ATR: variants seen among roughly 807,000 people sequenced by gnomAD.
ATR encodes ATR checkpoint kinase.
A neutral mutation model predicts 305.3 loss-of-function variants in ATR; 142 were observed. The ratio of observed to expected loss-of-function variants is 0.47; its 90% CI spans 0.41 to 0.53. The LOEUF (loss-of-function observed/expected upper bound fraction) is 0.53, where lower values mean the gene tolerates loss of function less well. Ranked by LOEUF, ATR falls within the 20% of genes least tolerant of loss-of-function variation. The pLI, the probability that ATR is intolerant of heterozygous loss-of-function variation, is 0.00. For missense variants in ATR, 2,135 were observed against 3,133.1 expected (o/e 0.68, Z 7.60); for synonymous variants, 1,050 against 1,068.1 (o/e 0.98, Z 0.33).
chr3:142,551,392 T>C (rs1434342546), intron 13 of ATR, among the ~76,000 whole-genome samples: 1 of 152,216 alleles, frequency 6.6e-6, no homozygotes, highest in Non-Finnish European at 1.5e-5. Flanking sequence ...CACCATTCCA[T>C]GTCACTGTAT....
In ATR at chr3:142,496,433, A is replaced by G. The variant is rs541103802; in HGVS notation, c.5826T>C (p.Asn1942=). 7 of 1,610,570 alleles carry G rather than the reference A, an allele frequency of 4.3e-6. No individual in the cohort carries two copies. The highest frequency in any genetic ancestry group is 1.3e-5 in the African/African-American group (1 of 74,106). ...GTGATTCCCCTGCATTAAGGAGAGC[A>G]TTGTAGGCTGTCTGGTGGTGACCAG... is the stretch of plus-strand genomic sequence containing the variant. ...RKAGHHQTAY[N]ALLNAGESRL... Residue 1942 remains asparagine (N), a synonymous_variant, in exon 34 of 47, where the codon AAT becomes AAC. Transcript: ENST00000350721.
Position 142,459,034 on chromosome 3 carries a change from C to T in ATR, c.7427G>A (p.Arg2476His), listed in dbSNP as rs777776233. ...ATCAAAGAGAATATTTTCACCATGA[C>T]GGTCTCCAAGCCCCAGAATATAACC... ...MVGYILGLGD[R>H]HGENILFDSL... The change falls in exon 44 of 47, where the codon CGT becomes CAT. Residue 2476 changes from arginine (R) to histidine (H), a missense_variant. Coordinates refer to ENST00000350721, the MANE Select transcript of ATR (RefSeq NM_001184.4). 10 of 1,613,848 alleles carry T rather than the reference C, an allele frequency of 6.2e-6. No individual in the cohort carries two copies. Among genetic ancestry groups the T allele is most frequent in the South Asian group, 4.4e-5 (4 of 91,072 alleles).
chr3:142,457,620 G>A lies in ATR; in HGVS notation c.7639C>T (p.Arg2547Ter), dbSNP rs1254296505. Residue 2547 changes from arginine to a stop codon, truncating the protein, a stop_gained, in exon 45 of 47, where the codon CGA (arginine) becomes TGA (stop). Transcript: ENST00000350721. LOFTEE classifies it high-confidence loss of function. The part of the protein sequence containing the change: ...EVTMRLMRDQ[R>*]EPLMSVLKTF... ...GGTGATTACCTCATTAAAGGCTCTC[G>A]CTGATCACGCATCAGCCTCATTGTA... 6.2e-6 allele frequency: 10 copies of A among 1,613,920 alleles called. No individual in the cohort carries two copies. Among genetic ancestry groups the A allele is most frequent in the Non-Finnish European group, 8.5e-6 (10 of 1,179,932 alleles).
At chr3:142,544,452 CAAAAAAAAAA>C (rs57120276) in intron 16 of ATR, among the ~76,000 whole-genome samples, 21 of 18,974 alleles carry the variant, frequency 1.1e-3, no homozygotes, top group South Asian at 9.3e-3. Context: ...ATCCTGCCTC[CAAAAAAAAAA>C]AAAAAAAAAA....
chr3:142,546,948 T>C (rs1329835698), intron 16 of ATR, among the ~76,000 whole-genome samples: 2 of 152,168 alleles, frequency 1.3e-5, no homozygotes, highest in African/African-American at 2.4e-5. Flanking sequence ...TATTCCATTA[T>C]TGGAATGGTA....
At chr3:142,494,288 C>T (rs1415175138) in intron 34 of ATR, among the ~76,000 whole-genome samples, 1 of 151,856 alleles carries the variant, frequency 6.6e-6, no homozygotes, top group African/African-American at 2.4e-5. Flanking sequence ...GGGACCAATC[C>T]CTCCATGGAT....
At chr3:142,473,273 G>T (rs1303025975) in intron 36 of ATR, among the ~76,000 whole-genome samples, 3 of 152,094 alleles carry the variant, frequency 2.0e-5, no homozygotes, top group Admixed American at 2.0e-4. Flanking sequence ...GTTGATTTTT[G>T]TATATGGTGT....
At chr3:142,508,882 C>T (rs7622266) in intron 27 of ATR, among the ~76,000 whole-genome samples, 5,743 of 147,480 alleles carry the variant, frequency 0.039, 372 homozygotes, top group African/African-American at 0.14. Flanking sequence ...TGAGATCACG[C>T]CACTGCACTC....
At chr3:142,468,807 C>A (rs1280366446) in intron 38 of ATR, among the ~76,000 whole-genome samples, 1 of 152,092 alleles carries the variant, frequency 6.6e-6, no homozygotes, top group Non-Finnish European at 1.5e-5. Flanking sequence ...CTGAGCAACA[C>A]AGCAAGATCC....
Position 142,497,209 on chromosome 3 carries a change from C to G in ATR, c.5559-17G>C, listed in dbSNP as rs746324583. On this transcript the variant is annotated splice_polypyrimidine_tract_variant and intron_variant, in intron 32 of 46. Coordinates refer to ENST00000350721, the MANE Select transcript of ATR (RefSeq NM_001184.4). ...ATGTGCAATCTGAAGATAGATAGAGCCTATGTTAAAATGTTATCATATTCA... is the reference window on the plus strand; with the variant it reads ...ATGTGCAATCTGAAGATAGATAGAGGCTATGTTAAAATGTTATCATATTCA... 1 of 1,612,078 alleles carries G rather than the reference C, an allele frequency of 6.2e-7. No homozygotes were observed. Among genetic ancestry groups the G allele is most frequent in the Non-Finnish European group, 8.5e-7 (1 of 1,178,634 alleles).
At chr3:142,486,236 C>A (rs2030916984) in intron 35 of ATR, among the ~76,000 whole-genome samples, 1 of 152,022 alleles carries the variant, frequency 6.6e-6, no homozygotes, top group Admixed American at 6.6e-5. Flanking sequence ...AGACCAGAAA[C>A]CTTAAGTGAG....
intron 41 of ATR, among the ~76,000 whole-genome samples, chr3:142,463,402 T>C (rs571922969): frequency 7.9e-4 from 120 of 152,256 alleles, no homozygotes; most frequent in African/African-American, 2.7e-3. Flanking sequence ...AATACTTTTT[T>C]GTTGTTGTTG....
At chr3:142,461,047 A>C (rs141798892) in intron 42 of ATR, among the ~76,000 whole-genome samples, 3 of 152,286 alleles carry the variant, frequency 2.0e-5, no homozygotes, top group African/African-American at 7.2e-5. Flanking sequence ...AGTTGTCATC[A>C]AATGTCAACT....
rs751904313 is a variant in ATR at position 142,512,237 on chromosome 3, AAGAAAC to A, written c.4852+17_4852+22del. 5.1e-6 allele frequency: 8 copies of A among 1,569,400 alleles called. 1 individual carries two copies. The African/African-American group carries it at 1.1e-4, about 22-fold the overall frequency. ...TGAATAGCTAAAAAAAAAAAAAAAA[AAGAAAC>A]AGAAGTGATAACTCACCCATTGAGT... On this transcript the variant is annotated intron_variant, in intron 27 of 46. Transcript: ENST00000350721.
At chr3:142,452,655 C>A in intron 46 of ATR, 1 of 991,548 alleles carries the variant, frequency 1.0e-6, no homozygotes, top group African/African-American at 1.8e-5. Flanking sequence ...GCCTGGATGA[C>A]AGAGCGAGAC....
At position 142,522,906 on chromosome 3, in the gene ATR, C is replaced by T. The variant is rs1268552565; in HGVS notation, c.4153-65G>A. ...GCTATAAATTTTCTTAGGTGTACTG[C>T]TTTTTCCATGGTGAATTTAACTTAA... is the stretch of plus-strand genomic sequence containing the variant. On this transcript the variant is annotated intron_variant, in intron 22 of 46. Transcript: ENST00000350721. 2.8e-5 allele frequency: 34 copies of T among 1,208,930 alleles called. No individual in the cohort carries two copies. The East Asian group carries it at 7.3e-4, about 26-fold the overall frequency. The allele number at this position is 1,208,930 out of a possible 1,614,324, so 74.9% of individuals were successfully genotyped here.
At chr3:142,549,986 G>T in intron 14 of ATR, 146 bp downstream of exon 14, 2 of 1,099,894 alleles carry the variant, frequency 1.8e-6, no homozygotes, top group Non-Finnish European at 1.3e-6. Flanking sequence ...TTTCAGGACA[G>T]CTAACCATAA....
chr3:142,470,721 G>C (rs930126727), intron 36 of ATR, among the ~76,000 whole-genome samples: 3 of 152,096 alleles, frequency 2.0e-5, no homozygotes, highest in East Asian at 1.9e-4. Context: ...CAAACATTCA[G>C]AATCTTTTAT....
intron 29 of ATR, among the ~76,000 whole-genome samples, chr3:142,504,759 C>A (rs1247271092): frequency 6.6e-6 from 1 of 152,176 alleles, no homozygotes; most frequent in Admixed American, 6.5e-5. Flanking sequence ...CCGCCGCATC[C>A]GGCCTGGAAG....
Sources: allele counts gnomAD v4.1 joint callset (sites outside exome capture counted in the v4.1 genomes callset), GRCh38; gene constraint gnomAD v4.1.1; transcripts MANE v1.5; gene names NCBI Gene and HGNC (gene_info 2026-07-23, HGNC 2026-07-21).